Variants in KDM1A observed in about 807,000 individuals in gnomAD.
KDM1A encodes lysine-specific histone demethylase 1A.
Under a neutral mutation model 109.4 loss-of-function variants are expected in KDM1A, and 49 were observed. The observed-to-expected ratio is 0.45, with a 90% CI of 0.36 to 0.57. The LOEUF (loss-of-function observed/expected upper bound fraction) is 0.57. KDM1A is among the 20% of genes least tolerant of loss of function. KDM1A has a pLI of 0.00. For synonymous variants in KDM1A, 380 were observed against 415.4 expected, an observed-to-expected ratio of 0.91 and a Z score of 1.04; for missense variants, 668 against 1,116.6, an observed-to-expected ratio of 0.60 and a Z score of 5.73.
chr1:23,028,941 T>C (rs1212832839), intron 1 of KDM1A, among the ~76,000 whole-genome samples: 1 of 152,192 alleles, frequency 6.6e-6, no homozygotes, highest in Non-Finnish European at 1.5e-5. Flanking sequence ...TACTCAGTGT[T>C]CAGTATTTGA....
At chr1:23,041,345 T>C (rs1404291393) in intron 2 of KDM1A, among the ~76,000 whole-genome samples, 1 of 151,784 alleles carries the variant, frequency 6.6e-6, no homozygotes, top group African/African-American at 2.4e-5. Flanking sequence ...CACTTTTAAA[T>C]TTTGTTTTCC....
chr1:23,032,544 A>G (rs771960716), intron 2 of KDM1A, among the ~76,000 whole-genome samples: 3 of 152,130 alleles, frequency 2.0e-5, no homozygotes, highest in South Asian at 2.1e-4. Context: ...GATATCTTCA[A>G]TGCTTAGAAA....
At chr1:23,081,384 TAAGG>T in intron 18 of KDM1A, 58 bp from the exon 19 acceptor site, 2 of 1,594,636 alleles carry the variant, frequency 1.3e-6, no homozygotes, top group East Asian at 4.5e-5. Flanking sequence ...TGGGGCCTGA[TAAGG>T]AAGTTTTTGA....
Position 23,076,372 on chromosome 1 carries a change from G to A in KDM1A, c.1735-856G>A, listed in dbSNP as rs570691428. 2.0e-5 allele frequency among the ~76,000 whole-genome samples: 3 copies of A among 152,052 alleles called. No individual in the cohort carries two copies. The South Asian group carries it at 6.2e-4, about 32-fold the overall frequency. Reference sequence around the variant, plus strand: ...TTTTTTACTGTATGGACTGTCTTGGGCCACTCTTTATGGTCCTAGATTACC... The same window carrying A: ...TTTTTTACTGTATGGACTGTCTTGGACCACTCTTTATGGTCCTAGATTACC... On this transcript the variant is annotated intron_variant, in intron 15 of 20. Transcript: ENST00000400181.
intron 2 of KDM1A, among the ~76,000 whole-genome samples, chr1:23,036,894 A>G (rs544696923): frequency 1.3e-5 from 2 of 152,268 alleles, no homozygotes; most frequent in African/African-American, 2.4e-5. Flanking sequence ...TTATTCTACA[A>G]ATATTATTGT....
intron 9 of KDM1A, among the ~76,000 whole-genome samples, chr1:23,062,003 C>A (rs759864644): frequency 1.6e-4 from 25 of 152,088 alleles, no homozygotes; most frequent in Admixed American, 3.3e-4. Flanking sequence ...ACAAAGAGCC[C>A]CACTAATTTA....
At chr1:23,053,545 C>T (rs571248129) in intron 4 of KDM1A, among the ~76,000 whole-genome samples, 9 of 152,164 alleles carry the variant, frequency 5.9e-5, no homozygotes, top group African/African-American at 2.2e-4. Context: ...GCCACCATAC[C>T]CAGCCAGTTT....
At chr1:23,044,725 G>A (rs1219074612) in intron 3 of KDM1A, among the ~76,000 whole-genome samples, 4 of 152,064 alleles carry the variant, frequency 2.6e-5, no homozygotes, top group African/African-American at 7.2e-5. Context: ...AGGAGATGGC[G>A]GGTACTTTTC....
intron 2 of KDM1A, among the ~76,000 whole-genome samples, chr1:23,043,712 A>G (rs1642420924): frequency 6.6e-6 from 1 of 152,246 alleles, no homozygotes; most frequent in Non-Finnish European, 1.5e-5. Flanking sequence ...AGTTACTTCT[A>G]CATATTAATC....
rs190090916 is a variant in KDM1A at position 23,068,508 on chromosome 1, G to C, written c.1180-31G>C. On this transcript the variant is annotated intron_variant, in intron 10 of 20. Transcript: ENST00000400181. Reference sequence around the variant, plus strand: ...TGGATGGTTATGTTTAGTTTTATAAGGACCAACTCTGCTATACTTCGGATT... The same window carrying C: ...TGGATGGTTATGTTTAGTTTTATAACGACCAACTCTGCTATACTTCGGATT... The C allele has an allele frequency of 1.2e-4, 189 of 1,537,356 alleles. No homozygotes were observed. The African/African-American group carries it at 2.3e-3, about 19-fold the overall frequency.
At chr1:23,072,010 C>G (rs1287889056) in intron 13 of KDM1A, 114 bp from the exon 14 acceptor site, 1 of 686,308 alleles carries the variant, frequency 1.5e-6, no homozygotes, top group Non-Finnish European at 2.5e-6. Flanking sequence ...AGCCACACTT[C>G]CTGTACATGA....
chr1:23,028,103 A>G (rs1432504500), intron 1 of KDM1A, among the ~76,000 whole-genome samples: 4 of 152,170 alleles, frequency 2.6e-5, no homozygotes, highest in African/African-American at 9.7e-5. Flanking sequence ...AAGGCATTGG[A>G]TTAAACAATG....
rs1367331199 is a variant in KDM1A, at chr1:23,069,067, A to G, written c.1329A>G (p.Gln443=). Residue 443 remains glutamine (Q), a synonymous_variant, in exon 12 of 21, where the codon CAA becomes CAG. Transcript: ENST00000400181. ...GQALEVVIQL[Q]EKHVKDEQIE... Reference sequence around the variant, plus strand: ...TACATATTGTCTCTCTTAGGTTACAAGAGAAGCATGTCAAAGATGAGCAGA... The same window carrying G: ...TACATATTGTCTCTCTTAGGTTACAGGAGAAGCATGTCAAAGATGAGCAGA... 6.2e-7 allele frequency: 1 copy of G among 1,607,376 alleles called. No individual in the cohort carries two copies. Among genetic ancestry groups the G allele is most frequent in the East Asian group, 2.2e-5 (1 of 44,774 alleles).
intron 1 of KDM1A, among the ~76,000 whole-genome samples, chr1:23,024,152 A>AT (rs554767150): frequency 4.0e-5 from 6 of 151,270 alleles, no homozygotes; most frequent in South Asian, 4.2e-4. Flanking sequence ...CCCAACCAAG[A>AT]TTTTTTTCTT....
At chr1:23,045,298 G>C (rs1205433040) in intron 3 of KDM1A, among the ~76,000 whole-genome samples, 1 of 152,162 alleles carries the variant, frequency 6.6e-6, no homozygotes, top group African/African-American at 2.4e-5. Flanking sequence ...CTTTTCAACT[G>C]TCTTAAGTCT....
In KDM1A at chr1:23,082,182, T is replaced by C. The variant is rs1643639924; in HGVS notation, c.2299-38T>C. ...CTTTCAAGGATTGATTTGTGCTTGG[T>C]GTCTCGTAATGACTTTTGCTCCTGG... On this transcript the variant is annotated intron_variant, in intron 19 of 20. Coordinates refer to ENST00000400181, the MANE Select transcript of KDM1A (RefSeq NM_001009999.3). The C allele has an allele frequency of 3.1e-6, 5 of 1,605,848 alleles. No homozygotes were observed. In the East Asian group the frequency reaches 1.1e-4, roughly 36 times the overall value.
intron 19 of KDM1A, 77 bp downstream of exon 19, chr1:23,081,650 T>C (rs1187082173): frequency 6.5e-7 from 1 of 1,533,206 alleles, no homozygotes; most frequent in Non-Finnish European, 8.9e-7. Context: ...AGCATGTTCT[T>C]GGTCAGGACA....
chr1:23,061,110 G>A (rs756965557), intron 9 of KDM1A, among the ~76,000 whole-genome samples: 4 of 152,158 alleles, frequency 2.6e-5, no homozygotes, highest in South Asian at 4.1e-4. Flanking sequence ...GAGCTTTAGC[G>A]CATTTTTTAA....
At chr1:23,081,995 T>TGGTCGCCGTATCATTAAAAAAAAAAA (rs1176916406) in intron 19 of KDM1A, 1 of 381,788 alleles carries the variant, frequency 2.6e-6, no homozygotes, top group Non-Finnish European at 4.5e-6. Context: ...TGTAGATCTC[T>TGGTCGCCGTATCATTAAAAAAAAAAA]GGATTCATAG....
Sources: gnomAD v4.1 joint callset for allele counts (sites outside exome capture counted in the v4.1 genomes callset) on GRCh38, gnomAD v4.1.1 for gene constraint, MANE v1.5 for transcripts, NCBI Gene and HGNC (gene_info 2026-07-23, HGNC 2026-07-21) for gene names.